The following SETD5 variants were observed in gnomAD, a reference collection of about 807,000 sequenced individuals.
The protein encoded by SETD5 is SET domain containing 5, also known as histone-lysine N-methyltransferase SETD5.
Under a neutral mutation model 153.3 loss-of-function variants are expected in SETD5, and 44 were observed. The observed-to-expected ratio is 0.29, with a 90% CI of 0.23 to 0.37. The LOEUF (loss-of-function observed/expected upper bound fraction) is 0.37. Ranked by LOEUF, SETD5 falls within the 10% of genes least tolerant of loss-of-function variation. The pLI, the probability that SETD5 is intolerant of heterozygous loss-of-function variation, is 1.00. For synonymous variants in SETD5, 716 were observed against 645.2 expected (o/e 1.11, Z -1.66); for missense variants, 1,544 against 1,768.0 (o/e 0.87, Z 2.27).
intron 17 of SETD5, among the ~76,000 whole-genome samples, chr3:9,454,355 G>C (rs902135115): frequency 6.6e-6 from 1 of 151,818 alleles, no homozygotes; most frequent in African/African-American, 2.4e-5. Flanking sequence ...GCTGTGGCTC[G>C]CACCTGTAAT....
intron 1 of SETD5, among the ~76,000 whole-genome samples, chr3:9,410,213 A>AC (rs2036346544): frequency 6.6e-6 from 1 of 152,234 alleles, no homozygotes. Context: ...CAGTTGTAAC[A>AC]CAGTGGTAAG....
At chr3:9,451,946 C>T (rs776245007) in intron 16 of SETD5, among the ~76,000 whole-genome samples, 1 of 152,212 alleles carries the variant, frequency 6.6e-6, no homozygotes, top group African/African-American at 2.4e-5. Flanking sequence ...GTAGGTGCAT[C>T]TAAAATTAAC....
intron 1 of SETD5, among the ~76,000 whole-genome samples, chr3:9,409,130 T>C (rs2036166792): frequency 1.3e-5 from 2 of 152,134 alleles, no homozygotes; most frequent in Admixed American, 1.3e-4. Flanking sequence ...CATATAACCC[T>C]CTGACAGAAT....
In SETD5 at chr3:9,464,546, C is replaced by T; in HGVS notation, c.2598C>T (p.Pro866=). ...PPPPNSGSKS[P]QLATPGSSHP... ...CTCCCAATTCAGGCTCAAAGAGTCC[C>T]CAGCTGGCCACACCTGGCTCATCTC... The change falls in exon 18 of 23, where the codon CCC becomes CCT. Residue 866 remains proline (P), a synonymous_variant. Transcript: ENST00000402198. 6.2e-7 allele frequency: 1 copy of T among 1,613,958 alleles called. No homozygotes were observed. Among genetic ancestry groups the T allele is most frequent in the Non-Finnish European group, 8.5e-7 (1 of 1,179,878 alleles).
intron 1 of SETD5, among the ~76,000 whole-genome samples, chr3:9,416,115 A>G (rs1008314700): frequency 6.6e-6 from 1 of 152,118 alleles, no homozygotes; most frequent in Non-Finnish European, 1.5e-5. Flanking sequence ...TGTGACACTC[A>G]GTGTTATTAT....
Position 9,475,988 on chromosome 3 carries a change from C to T in SETD5, c.4226C>T (p.Ser1409Phe). The T allele has an allele frequency of 1.2e-6, 2 of 1,614,028 alleles. No homozygotes were observed. The highest frequency in any genetic ancestry group is 1.1e-5 in the South Asian group (1 of 91,084). ...VYQASRVSAV[S>F]NSQHYPHRGS... The stretch of plus-strand genomic sequence containing the variant: ...CAGGCCTCCAGGGTATCTGCGGTTT[C>T]CAATTCACAGCACTACCCACACCGT... The change falls in exon 23 of 23, where the codon TCC becomes TTC. Residue 1409 changes from serine to phenylalanine, a missense_variant. By Grantham distance (155) the Ser-to-Phe change is radical (BLOSUM62 -2). Coordinates refer to ENST00000402198, the MANE Select transcript of SETD5 (RefSeq NM_001080517.3).
intron 1 of SETD5, among the ~76,000 whole-genome samples, chr3:9,417,344 T>C (rs879314202): frequency 6.6e-6 from 1 of 151,450 alleles, no homozygotes; most frequent in African/African-American, 2.4e-5. Flanking sequence ...AAAAAGAGGG[T>C]TTTTTCCCTC....
intron 17 of SETD5, among the ~76,000 whole-genome samples, chr3:9,456,453 ACGGAGG>A (rs1444001968): frequency 1.3e-5 from 2 of 149,530 alleles, no homozygotes; most frequent in African/African-American, 2.5e-5. Flanking sequence ...AGCCTGGGTG[ACGGAGG>A]GAGATTCTGT....
At chr3:9,437,635 T>G (rs1406434284) in intron 7 of SETD5, among the ~76,000 whole-genome samples, 2 of 152,060 alleles carry the variant, frequency 1.3e-5, no homozygotes, top group Admixed American at 6.6e-5. Flanking sequence ...AATTCAAGTT[T>G]ATGAGTATTC....
At chr3:9,409,070 T>C (rs556741102) in intron 1 of SETD5, among the ~76,000 whole-genome samples, 1 of 152,332 alleles carries the variant, frequency 6.6e-6, no homozygotes, top group South Asian at 2.1e-4. Flanking sequence ...GGTTGAAGAC[T>C]GAAGAAAATC....
chr3:9,459,348 T>C (rs1365697750), intron 17 of SETD5, among the ~76,000 whole-genome samples: 1 of 152,202 alleles, frequency 6.6e-6, no homozygotes, highest in African/African-American at 2.4e-5. Flanking sequence ...TGGAGTATCA[T>C]ATACTATTTA....
chr3:9,436,678 A>T (rs376996652), intron 7 of SETD5, among the ~76,000 whole-genome samples: 3 of 152,290 alleles, frequency 2.0e-5, no homozygotes, highest in African/African-American at 7.2e-5. Context: ...ATTGGCCTTG[A>T]GCTACCCCTA....
intron 3 of SETD5, chr3:9,429,793 T>TA (rs1177375910): frequency 7.8e-7 from 1 of 1,277,772 alleles, no homozygotes; most frequent in African/African-American, 1.5e-5. Context: ...CTTGTCCTTT[T>TA]ACCTCCCTTG....
At chr3:9,437,522 C>CGT (rs6147703) in intron 7 of SETD5, among the ~76,000 whole-genome samples, 27,321 of 144,994 alleles carry the variant, frequency 0.19, 2,750 homozygotes, top group Non-Finnish European at 0.25. Context: ...TCCTCCTTTA[C>CGT]GTGTGTGTGT....
chr3:9,430,084 G>A, intron 3 of SETD5: 1 of 1,052,144 alleles, frequency 9.5e-7, no homozygotes, highest in Non-Finnish European at 1.2e-6. Context: ...TGTTTCTCTT[G>A]CCATTTTCAC....
Position 9,475,789 on chromosome 3 carries a change from A to G in SETD5, c.4027A>G (p.Ser1343Gly). Residue 1343 changes from serine to glycine, a missense_variant, in exon 23 of 23, where the codon AGT becomes GGT. Coordinates refer to ENST00000402198, the MANE Select transcript of SETD5 (RefSeq NM_001080517.3). ...TCTTCCAAGGAGGAGCTGCCCTTCTAGTGCTGCTAGCCCTACCCTGCAGGG... is the reference window on the plus strand; with the variant it reads ...TCTTCCAAGGAGGAGCTGCCCTTCTGGTGCTGCTAGCCCTACCCTGCAGGG... The part of the protein sequence containing the change: ...SNLPRRSCPS[S>G]AASPTLQGPS... 1 of 1,613,978 alleles carries G rather than the reference A, an allele frequency of 6.2e-7. No individual in the cohort carries two copies. The highest frequency in any genetic ancestry group is 8.5e-7 in the Non-Finnish European group (1 of 1,179,884).
At position 9,475,056 on chromosome 3, in the gene SETD5, G is replaced by A; in HGVS notation, c.3632-12G>A. 1 of 1,559,530 alleles carries A rather than the reference G, an allele frequency of 6.4e-7. No homozygotes were observed. Among genetic ancestry groups the A allele is most frequent in the Non-Finnish European group, 8.7e-7 (1 of 1,153,490 alleles). ...GCCAAGTTGATTTTTTTTTATATAT[G>A]TTACCTTCCAGACCCTGCAGATGGA... On this transcript the variant is annotated splice_polypyrimidine_tract_variant and intron_variant, in intron 21 of 22. Coordinates refer to ENST00000402198, the MANE Select transcript of SETD5 (RefSeq NM_001080517.3).
At position 9,475,859 on chromosome 3, in the gene SETD5, C is replaced by T. The variant is rs536881158; in HGVS notation, c.4097C>T (p.Thr1366Ile). 1.2e-6 allele frequency: 2 copies of T among 1,614,062 alleles called. No individual in the cohort carries two copies. The highest frequency in any genetic ancestry group is 2.2e-5 in the East Asian group (1 of 44,884). The change falls in exon 23 of 23, where the codon ACA becomes ATA. Residue 1366 changes from threonine (T) to isoleucine (I), a missense_variant. Transcript: ENST00000402198. ...PTSDSVSQSSTGTLSSTSFPQ... is the reference protein window; with the variant it reads ...PTSDSVSQSSIGTLSSTSFPQ... ...TCAGATTCAGTTTCTCAGTCCAGCA[C>T]AGGAACTCTGAGTTCCACCTCCTTT...
At chr3:9,462,042 T>A (rs1339168579) in intron 17 of SETD5, among the ~76,000 whole-genome samples, 2 of 152,190 alleles carry the variant, frequency 1.3e-5, no homozygotes, top group African/African-American at 2.4e-5. Context: ...AGGAAAAATA[T>A]GCATCTTCAA....
Sources: allele counts gnomAD v4.1 joint callset (sites outside exome capture counted in the v4.1 genomes callset), GRCh38; gene constraint gnomAD v4.1.1; transcripts MANE v1.5; gene names NCBI Gene and HGNC (gene_info 2026-07-23, HGNC 2026-07-21).